DNER: variants seen among roughly 807,000 people sequenced by gnomAD.
DNER encodes delta and Notch-like epidermal growth factor-related receptor.
Under a neutral mutation model 78.2 loss-of-function variants are expected in DNER, and 33 were observed. The observed-to-expected ratio is 0.42, with a 90% CI of 0.32 to 0.56. DNER has a LOEUF of 0.56. DNER is among the 20% of genes least tolerant of loss of function. The pLI is 0.11. For missense variants in DNER, 918 were observed against 975.3 expected, an observed-to-expected ratio of 0.94 and a Z score of 0.78; for synonymous variants, 417 against 384.8, an observed-to-expected ratio of 1.08 and a Z score of -0.98.
intron 9 of DNER, among the ~76,000 whole-genome samples, chr2:229,414,075 A>C (rs1259581107): frequency 6.6e-6 from 1 of 150,702 alleles, no homozygotes; most frequent in Admixed American, 6.6e-5. Context: ...ACTTCCCCTC[A>C]CTCTTCCTCT....
Position 229,521,704 on chromosome 2 carries a change from A to ACT in DNER, c.994-8770_994-8769dup, listed in dbSNP as rs201935082. ...ACTATGTGGATGTAAAATTTAAGAG[A>ACT]CTACCTGAGAATTCCATGTATAATG... On this transcript the variant is annotated intron_variant, in intron 5 of 12. Transcript: ENST00000341772. 4.7e-3 allele frequency among the ~76,000 whole-genome samples: 709 copies of ACT among 152,288 alleles called. 7 individuals carry two copies. Among genetic ancestry groups the ACT allele is most frequent in the African/African-American group, 0.017 (686 of 41,550 alleles).
At chr2:229,682,276 A>C (rs550922044) in intron 1 of DNER, among the ~76,000 whole-genome samples, 1 of 152,316 alleles carries the variant, frequency 6.6e-6, no homozygotes, top group East Asian at 1.9e-4. Context: ...AACCTTGTAC[A>C]TAGAATGTTT....
intron 10 of DNER, among the ~76,000 whole-genome samples, chr2:229,402,812 C>G (rs1336818687): frequency 6.6e-6 from 1 of 152,174 alleles, no homozygotes; most frequent in African/African-American, 2.4e-5. Flanking sequence ...GGCAGAATTG[C>G]AAAGCTTCGG....
intron 1 of DNER, among the ~76,000 whole-genome samples, chr2:229,712,930 T>G (rs1699931754): frequency 6.6e-6 from 1 of 152,238 alleles, no homozygotes; most frequent in Non-Finnish European, 1.5e-5. Flanking sequence ...CAAAAAAATC[T>G]GGCTGTCAAG....
intron 1 of DNER, among the ~76,000 whole-genome samples, chr2:229,652,195 G>T (rs1470534182): frequency 6.6e-6 from 1 of 152,214 alleles, no homozygotes; most frequent in Non-Finnish European, 1.5e-5. Flanking sequence ...CAGGAAGAGT[G>T]AGGTCTTGAA....
intron 8 of DNER, among the ~76,000 whole-genome samples, chr2:229,441,871 G>T (rs1040625568): frequency 3.9e-5 from 6 of 152,144 alleles, no homozygotes; most frequent in African/African-American, 7.2e-5. Flanking sequence ...CGACCTCAAG[G>T]TCTACCTGTA....
intron 1 of DNER, among the ~76,000 whole-genome samples, chr2:229,632,886 G>C (rs1478020426): frequency 1.3e-5 from 2 of 152,040 alleles, no homozygotes; most frequent in Non-Finnish European, 2.9e-5. Flanking sequence ...ATGGGGAAAA[G>C]CTCAAGTTTA....
intron 1 of DNER, among the ~76,000 whole-genome samples, chr2:229,632,118 G>A (rs1405262679): frequency 6.6e-6 from 1 of 152,286 alleles, no homozygotes; most frequent in South Asian, 2.1e-4. Flanking sequence ...CAAAGGCAGT[G>A]CCATTGAACA....
chr2:229,554,921 AG>A (rs1696826173), intron 4 of DNER, among the ~76,000 whole-genome samples: 19 of 64,068 alleles, frequency 3.0e-4, no homozygotes, highest in South Asian at 1.3e-3. Context: ...AGAAGAGAAG[AG>A]AAGAGAAGAG....
intron 4 of DNER, among the ~76,000 whole-genome samples, chr2:229,569,603 A>G (rs1489554070): frequency 6.6e-6 from 1 of 152,246 alleles, no homozygotes; most frequent in African/African-American, 2.4e-5. Flanking sequence ...ACATCTGCAC[A>G]TCTTCTGATA....
chr2:229,428,629 A>G (rs918022484), intron 8 of DNER, among the ~76,000 whole-genome samples: 1 of 152,028 alleles, frequency 6.6e-6, no homozygotes, highest in Non-Finnish European at 1.5e-5. Context: ...TTAATTGAAC[A>G]AAAAGAATTG....
chr2:229,704,732 C>G (rs1699800858), intron 1 of DNER, among the ~76,000 whole-genome samples: 1 of 152,130 alleles, frequency 6.6e-6, no homozygotes. Flanking sequence ...GTGTTACACA[C>G]CTATGTGTCA....
intron 4 of DNER, among the ~76,000 whole-genome samples, chr2:229,560,649 A>G (rs984272492): frequency 6.6e-6 from 1 of 152,112 alleles, no homozygotes; most frequent in Admixed American, 6.6e-5. Flanking sequence ...TGGATTTGTG[A>G]CTCAATACTT....
intron 1 of DNER, among the ~76,000 whole-genome samples, chr2:229,688,266 A>C (rs1699518370): frequency 6.6e-6 from 1 of 152,142 alleles, no homozygotes; most frequent in Admixed American, 6.6e-5. Context: ...CTGGCACTCA[A>C]TCCTGCCTAT....
intron 1 of DNER, among the ~76,000 whole-genome samples, chr2:229,640,885 G>A (rs1022035191): frequency 5.9e-5 from 9 of 152,122 alleles, no homozygotes; most frequent in African/African-American, 1.9e-4. Context: ...GTTGCGGTTC[G>A]GCTGAGTAGG....
intron 4 of DNER, among the ~76,000 whole-genome samples, chr2:229,574,899 A>G (rs1697270695): frequency 6.6e-6 from 1 of 152,200 alleles, no homozygotes; most frequent in Non-Finnish European, 1.5e-5. Flanking sequence ...TGAAATTTGC[A>G]CTGACAGAAG....
chr2:229,598,030 G>A (rs1310841960), intron 1 of DNER, among the ~76,000 whole-genome samples: 1 of 152,086 alleles, frequency 6.6e-6, no homozygotes, highest in Non-Finnish European at 1.5e-5. Flanking sequence ...TGCTACCCAT[G>A]TTTCTGGCAA....
At chr2:229,609,052 A>C (rs1697997565) in intron 1 of DNER, among the ~76,000 whole-genome samples, 1 of 152,198 alleles carries the variant, frequency 6.6e-6, no homozygotes, top group East Asian at 1.9e-4. Flanking sequence ...GTGAAACCCC[A>C]TCTCTACTAA....
chr2:229,412,947 T>TG (rs1693554775), intron 9 of DNER, among the ~76,000 whole-genome samples: 1 of 152,096 alleles, frequency 6.6e-6, no homozygotes, highest in Non-Finnish European at 1.5e-5. Context: ...CCAAGAGCCA[T>TG]GGTTGAAAAA....
Sources: allele counts gnomAD v4.1 joint callset (sites outside exome capture counted in the v4.1 genomes callset), GRCh38; gene constraint gnomAD v4.1.1; transcripts MANE v1.5; gene names NCBI Gene and HGNC (gene_info 2026-07-23, HGNC 2026-07-21).